CDH13: variants seen among roughly 807,000 people sequenced by gnomAD.
The protein encoded by CDH13 is cadherin-13.
In CDH13, 24 loss-of-function variants were observed where a neutral mutation model predicts 63.8. The ratio of observed to expected loss-of-function variants is 0.38; its 90% CI spans 0.27 to 0.53. The LOEUF (loss-of-function observed/expected upper bound fraction) is 0.53. Among genes scored for constraint, CDH13 ranks in the 20% least tolerant of loss-of-function variants. The pLI is 0.85. For synonymous variants in CDH13, 503 were observed against 355.3 expected (o/e 1.42, Z -4.67); for missense variants, 1,049 against 903.1 (o/e 1.16, Z -2.07).
intron 6 of CDH13, among the ~76,000 whole-genome samples, chr16:83,445,229 G>A (rs1411005428): frequency 5.8e-5 from 5 of 85,924 alleles, no homozygotes; most frequent in East Asian, 2.1e-4. Flanking sequence ...CTGAGGCTGC[G>A]AGAGTTTATA....
chr16:83,690,615 G>C (rs1904762859), intron 10 of CDH13, among the ~76,000 whole-genome samples: 2 of 152,156 alleles, frequency 1.3e-5, no homozygotes, highest in Admixed American at 6.5e-5. Flanking sequence ...GCAGAGCAGA[G>C]GACTGGAGTG....
At chr16:82,793,558 C>T (rs150487370) in intron 1 of CDH13, among the ~76,000 whole-genome samples, 63 of 152,268 alleles carry the variant, frequency 4.1e-4, no homozygotes, top group African/African-American at 1.5e-3. Flanking sequence ...CCATGTCAGT[C>T]TGCCGTGTGC....
chr16:83,554,428 A>G (rs921992899), intron 7 of CDH13, among the ~76,000 whole-genome samples: 2 of 152,344 alleles, frequency 1.3e-5, no homozygotes, highest in African/African-American at 4.8e-5. Context: ...TAGGCAATGG[A>G]AAGTAGAGAA....
At chr16:82,902,887 G>A (rs1451046405) in intron 2 of CDH13, among the ~76,000 whole-genome samples, 1 of 152,206 alleles carries the variant, frequency 6.6e-6, no homozygotes, top group Non-Finnish European at 1.5e-5. Context: ...ATACTCATCA[G>A]TATGGAAAGG....
In CDH13 at chr16:83,755,883, A is replaced by G. The variant is rs780667893; in HGVS notation, c.1681+7633A>G. ...AACATAAATAAAAATAGAAAGTTAA[A>G]TATGTATAAAGTAAAAAAGTAAATG... On this transcript the variant is annotated intron_variant, in intron 11 of 13. Transcript: ENST00000567109. Among the ~76,000 whole-genome samples the G allele has an allele frequency of 5.8e-4, 88 of 152,218 alleles. 1 individual carries two copies. Among genetic ancestry groups the G allele is most frequent in the South Asian group, 4.1e-4 (2 of 4,834 alleles).
At chr16:83,321,822 G>A (rs529851780) in intron 5 of CDH13, among the ~76,000 whole-genome samples, 13 of 152,114 alleles carry the variant, frequency 8.5e-5, no homozygotes, top group Non-Finnish European at 7.4e-5. Context: ...GCTCTGCGCC[G>A]GGCCAGAAAT....
intron 11 of CDH13, among the ~76,000 whole-genome samples, chr16:83,754,852 A>G (rs958933631): frequency 2.6e-5 from 4 of 152,140 alleles, no homozygotes; most frequent in East Asian, 3.9e-4. Context: ...AAATGGACTA[A>G]TACATCATCC....
At chr16:83,118,770 CTG>C (rs1337407686) in intron 3 of CDH13, among the ~76,000 whole-genome samples, 1 of 152,080 alleles carries the variant, frequency 6.6e-6, no homozygotes, top group Non-Finnish European at 1.5e-5. Flanking sequence ...TTCAACCCCT[CTG>C]TGTCCTGTCT....
At chr16:83,189,849 T>C (rs954429350) in intron 4 of CDH13, among the ~76,000 whole-genome samples, 2 of 152,182 alleles carry the variant, frequency 1.3e-5, no homozygotes, top group African/African-American at 4.8e-5. Flanking sequence ...TGGGAGGTAA[T>C]TGAATCATGG....
At chr16:83,478,836 GAAA>G (rs374669824) in intron 6 of CDH13, among the ~76,000 whole-genome samples, 1 of 112,316 alleles carries the variant, frequency 8.9e-6, no homozygotes, top group South Asian at 2.9e-4. Context: ...TTGAAGATGA[GAAA>G]AAAAAAAAAA....
chr16:83,663,272 A>T (rs915607561), intron 8 of CDH13, among the ~76,000 whole-genome samples: 15 of 152,168 alleles, frequency 9.9e-5, no homozygotes, highest in African/African-American at 2.7e-4. Context: ...TTCAGCAGGG[A>T]CTGGGGGTAG....
intron 11 of CDH13, among the ~76,000 whole-genome samples, chr16:83,766,654 G>A (rs1914408856): frequency 6.6e-6 from 1 of 152,228 alleles, no homozygotes; most frequent in Admixed American, 6.5e-5. Context: ...AGACTTCTCA[G>A]AGCTAACTTC....
intron 2 of CDH13, among the ~76,000 whole-genome samples, chr16:82,923,770 A>AT (rs2151284611): frequency 6.6e-6 from 1 of 152,102 alleles, no homozygotes; most frequent in South Asian, 2.1e-4. Context: ...CTTCCTCTTT[A>AT]TTTTTTCCTG....
At chr16:83,152,369 G>C (rs2037020694) in intron 4 of CDH13, among the ~76,000 whole-genome samples, 1 of 152,100 alleles carries the variant, frequency 6.6e-6, no homozygotes, top group Non-Finnish European at 1.5e-5. Flanking sequence ...ATAGAAAAAT[G>C]CATAAAAATA....
At chr16:83,110,493 G>T (rs966668598) in intron 3 of CDH13, among the ~76,000 whole-genome samples, 5 of 152,128 alleles carry the variant, frequency 3.3e-5, no homozygotes, top group African/African-American at 1.2e-4. Context: ...TGAAAACAGG[G>T]CTTTTACTGG....
At chr16:82,970,213 A>G (rs1908505017) in intron 2 of CDH13, among the ~76,000 whole-genome samples, 1 of 152,018 alleles carries the variant, frequency 6.6e-6, no homozygotes, top group Admixed American at 6.6e-5. Flanking sequence ...TTTGCTGAGA[A>G]TGTTGGTTTC....
At chr16:83,201,452 T>C (rs1597505790) in intron 4 of CDH13, among the ~76,000 whole-genome samples, 1 of 151,558 alleles carries the variant, frequency 6.6e-6, no homozygotes, top group Non-Finnish European at 1.5e-5. Context: ...TGAGTATAAA[T>C]TGAGATTTCT....
At chr16:83,274,599 C>T (rs2088926005) in intron 5 of CDH13, among the ~76,000 whole-genome samples, 1 of 152,132 alleles carries the variant, frequency 6.6e-6, no homozygotes, top group African/African-American at 2.4e-5. Flanking sequence ...GAGAAACCCC[C>T]ACATGCAGCA....
intron 11 of CDH13, among the ~76,000 whole-genome samples, chr16:83,759,763 C>CA (rs999301553): frequency 2.0e-4 from 31 of 151,530 alleles, no homozygotes; most frequent in African/African-American, 7.2e-4. Flanking sequence ...CTTATCTTTA[C>CA]AAAAAATAAA....
Sources: allele counts gnomAD v4.1 joint callset (sites outside exome capture counted in the v4.1 genomes callset), GRCh38; gene constraint gnomAD v4.1.1; transcripts MANE v1.5; gene names NCBI Gene and HGNC (gene_info 2026-07-23, HGNC 2026-07-21).